The following CPD variants were observed in gnomAD, a reference collection of about 807,000 sequenced individuals.
CPD encodes the protein carboxypeptidase D.
In CPD, 69 loss-of-function variants were observed where a neutral mutation model predicts 138.3. That is an observed-to-expected ratio of 0.50 (90% CI 0.41 to 0.61). CPD has a LOEUF of 0.61. Among genes scored for constraint, CPD ranks in the 20% least tolerant of loss-of-function variants. CPD has a pLI of 0.00. For synonymous variants in CPD, 651 were observed against 642.1 expected, an observed-to-expected ratio of 1.01 and a Z score of -0.21; for missense variants, 1,432 against 1,733.3, an observed-to-expected ratio of 0.83 and a Z score of 3.09.
intron 8 of CPD, among the ~76,000 whole-genome samples, chr17:30,435,641 C>T (rs1415613504): frequency 6.6e-6 from 1 of 152,104 alleles, no homozygotes; most frequent in Non-Finnish European, 1.5e-5. Context: ...AAGATTGATA[C>T]ATTGGACATA....
intron 2 of CPD, among the ~76,000 whole-genome samples, chr17:30,386,097 A>G (rs1911178891): frequency 6.6e-6 from 1 of 152,116 alleles, no homozygotes; most frequent in African/African-American, 2.4e-5. Context: ...TAGTACAATC[A>G]TAGCTCACTG....
At chr17:30,426,948 AG>A (rs1307173433) in intron 6 of CPD, among the ~76,000 whole-genome samples, 2 of 152,046 alleles carry the variant, frequency 1.3e-5, no homozygotes, top group Non-Finnish European at 2.9e-5. Flanking sequence ...TGGGAGGCTG[AG>A]GGGGGTGGGT....
chr17:30,413,663 A>G (rs530015848), intron 2 of CPD, among the ~76,000 whole-genome samples: 1 of 152,196 alleles, frequency 6.6e-6, no homozygotes, highest in Admixed American at 6.5e-5. Context: ...CATAACAAAG[A>G]TCTCTGCCCT....
Position 30,455,490 on chromosome 17 carries a change from A to G in CPD, c.3337+20A>G, listed in dbSNP as rs757263258. Reference sequence around the variant, plus strand: ...AGACAGGTATGTAGAATGTCATTTTATATATATACTGTTTAAGCTTAGGTA... The same window carrying G: ...AGACAGGTATGTAGAATGTCATTTTGTATATATACTGTTTAAGCTTAGGTA... On this transcript the variant is annotated intron_variant, in intron 15 of 20. Transcript: ENST00000225719. The G allele has an allele frequency of 6.2e-7, 1 of 1,601,928 alleles. No individual in the cohort carries two copies. The highest frequency in any genetic ancestry group is 2.2e-5 in the East Asian group (1 of 44,696).
At chr17:30,425,357 G>A (rs1226916656) in intron 6 of CPD, among the ~76,000 whole-genome samples, 1 of 152,020 alleles carries the variant, frequency 6.6e-6, no homozygotes, top group Non-Finnish European at 1.5e-5. Context: ...AGTACAGAGA[G>A]GAGTATAGAG....
chr17:30,427,513 T>C lies in CPD; in HGVS notation c.1972T>C (p.Trp658Arg), dbSNP rs771522775. 6.2e-7 allele frequency: 1 copy of C among 1,614,064 alleles called. No individual in the cohort carries two copies. The highest frequency in any genetic ancestry group is 8.5e-7 in the Non-Finnish European group (1 of 1,180,026). ...TQPETIAVMSWMKSYPFVLSA... is the reference protein window; with the variant it reads ...TQPETIAVMSRMKSYPFVLSA... ...ACCAGAAACTATTGCTGTAATGAGC[T>C]GGATGAAGTCCTATCCATTTGTACT... The change falls in exon 7 of 21, where the codon TGG becomes CGG. Residue 658 changes from tryptophan (W) to arginine (R), a missense_variant. Trp to Arg is a moderately radical substitution (Grantham distance 101, BLOSUM62 -3). Around this residue, in one of 6 missense-constraint regions of CPD, gnomAD observed 297 missense variants for 405.3 expected, o/e 0.73. Transcript: ENST00000225719.
chr17:30,417,286 CAT>C (rs1912135510), intron 2 of CPD, among the ~76,000 whole-genome samples: 1 of 151,956 alleles, frequency 6.6e-6, no homozygotes, highest in Non-Finnish European at 1.5e-5. Flanking sequence ...TGTTCATCAC[CAT>C]ATCCCCAAGC....
chr17:30,379,501 C>T lies in CPD; in HGVS notation c.521C>T (p.Thr174Ile), dbSNP rs370241648. The T allele has an allele frequency of 1.7e-4, 261 of 1,570,466 alleles. No homozygotes were observed. The highest frequency in any genetic ancestry group is 2.2e-4 in the Non-Finnish European group (258 of 1,163,264). The change falls in exon 1 of 21, where the codon ACC (threonine) becomes ATC (isoleucine). Residue 174 changes from threonine to isoleucine, a missense_variant. Physicochemically the swap from Thr to Ile is moderately conservative, Grantham distance 89. Coordinates refer to ENST00000225719, the MANE Select transcript of CPD (RefSeq NM_001304.5). This position sits in a 1 kb window ranked among gnomAD's most constrained non-coding sequence, Gnocchi z 7.0. Reference sequence around the variant, plus strand: ...CGCCTGGTCCGCCTGCTCAACACCACCGACGTGTACCTGCTGCCCAGCCTC... The same window carrying T: ...CGCCTGGTCCGCCTGCTCAACACCATCGACGTGTACCTGCTGCCCAGCCTC... ...DPRLVRLLNT[T>I]DVYLLPSLNP...
In CPD at chr17:30,466,934, T is replaced by A. The variant is rs752373916; in HGVS notation, c.*2120T>A. On this transcript the variant is annotated 3_prime_UTR_variant, in exon 21 of 21. Coordinates refer to ENST00000225719, the MANE Select transcript of CPD (RefSeq NM_001304.5). ...CTGAAAGAAAAACCAAATTCTGCTA[T>A]AAGTCTTGATCTTCAATGAACTTTT... is the stretch of plus-strand genomic sequence containing the variant. The A allele has an allele frequency of 6.6e-6, 1 of 152,558 alleles. No homozygotes were observed. The highest frequency in any genetic ancestry group is 6.6e-5 in the Admixed American group (1 of 15,266). The allele number at this position is 152,558 out of a possible 1,614,324, so 9.5% of individuals were successfully genotyped here.
chr17:30,429,857 A>G (rs925161998), intron 7 of CPD, among the ~76,000 whole-genome samples: 8 of 152,214 alleles, frequency 5.3e-5, no homozygotes, highest in East Asian at 1.9e-4. Flanking sequence ...GTTTGTGTCA[A>G]CTCATCTTGG....
At chr17:30,413,974 G>A (rs1912035837) in intron 2 of CPD, among the ~76,000 whole-genome samples, 1 of 152,172 alleles carries the variant, frequency 6.6e-6, no homozygotes, top group Non-Finnish European at 1.5e-5. Context: ...AACAAGTAGA[G>A]CAAAGTCAGG....
intron 17 of CPD, among the ~76,000 whole-genome samples, chr17:30,460,007 C>T (rs1913425020): frequency 6.6e-6 from 1 of 152,056 alleles, no homozygotes; most frequent in Non-Finnish European, 1.5e-5. Context: ...TACTGCCTGG[C>T]CTATTGTACG....
At chr17:30,422,575 C>T (rs1024415539) in intron 4 of CPD, 99 bp from the exon 5 acceptor site, 24 of 723,064 alleles carry the variant, frequency 3.3e-5, no homozygotes, top group African/African-American at 1.1e-4. Context: ...TGATAGATCG[C>T]TAAGTGTAAG....
chr17:30,411,441 C>T (rs1911965743), intron 2 of CPD, among the ~76,000 whole-genome samples: 1 of 152,132 alleles, frequency 6.6e-6, no homozygotes, highest in Admixed American at 6.5e-5. Context: ...TGGATAATAT[C>T]CTGAAGAGTG....
Position 30,385,159 on chromosome 17 carries a change from A to C in CPD, c.917A>C (p.Glu306Ala). Residue 306 changes from glutamate to alanine, a missense_variant, in exon 2 of 21, where the codon GAG (glutamate) becomes GCG (alanine). This residue lies in a region of CPD where 484 missense variants were observed against 477.2 expected (regional missense o/e 1.01). Coordinates refer to ENST00000225719, the MANE Select transcript of CPD (RefSeq NM_001304.5). Reference sequence around the variant, plus strand: ...AACCACCCCATAATGAAAACTGGTGAGCCTCATTGTCCAGGAGATGAAGAC... The same window carrying C: ...AACCACCCCATAATGAAAACTGGTGCGCCTCATTGTCCAGGAGATGAAGAC... ...ASNHPIMKTG[E>A]PHCPGDEDET... The C allele has an allele frequency of 6.2e-7, 1 of 1,614,086 alleles. No homozygotes were observed. The highest frequency in any genetic ancestry group is 1.7e-5 in the Admixed American group (1 of 60,012).
intron 2 of CPD, among the ~76,000 whole-genome samples, chr17:30,386,092 C>T (rs1417931780): frequency 6.6e-6 from 1 of 152,102 alleles, no homozygotes; most frequent in African/African-American, 2.4e-5. Flanking sequence ...TGCAATAGTA[C>T]AATCATAGCT....
chr17:30,401,640 C>T (rs1911675524), intron 2 of CPD, among the ~76,000 whole-genome samples: 1 of 152,048 alleles, frequency 6.6e-6, no homozygotes, highest in African/African-American at 2.4e-5. Flanking sequence ...CGTGTCACAA[C>T]ACCTGGCTTA....
At chr17:30,399,751 A>T (rs1441089558) in intron 2 of CPD, among the ~76,000 whole-genome samples, 1 of 152,122 alleles carries the variant, frequency 6.6e-6, no homozygotes, top group Non-Finnish European at 1.5e-5. Flanking sequence ...GCACTTTTGG[A>T]GGCTGAGGCA....
At chr17:30,418,502 A>G (rs1912178340) in intron 2 of CPD, among the ~76,000 whole-genome samples, 1 of 152,118 alleles carries the variant, frequency 6.6e-6, no homozygotes, top group African/African-American at 2.4e-5. Flanking sequence ...CAGCCTCCCA[A>G]AGTGTTAGGA....
Sources: gnomAD v4.1 joint callset for allele counts (sites outside exome capture counted in the v4.1 genomes callset) on GRCh38, gnomAD v4.1.1 for gene constraint, gnomAD v4.1.1 regional missense constraint, Gnocchi (gnomAD v3.1) non-coding constraint, MANE v1.5 for transcripts, NCBI Gene and HGNC (gene_info 2026-07-23, HGNC 2026-07-21) for gene names.